ADGRA3: variants seen among roughly 807,000 people sequenced by gnomAD.
ADGRA3 encodes the protein adhesion G protein-coupled receptor A3.
In ADGRA3, 56 loss-of-function variants were observed where a neutral mutation model predicts 119.8. That is an observed-to-expected ratio of 0.47 (90% CI 0.38 to 0.58). ADGRA3 has a LOEUF of 0.58. ADGRA3 is among the 20% of genes least tolerant of loss of function. The pLI, the probability that ADGRA3 is intolerant of heterozygous loss-of-function variation, is 0.00. For missense variants in ADGRA3, 1,516 were observed against 1,649.0 expected, an observed-to-expected ratio of 0.92 and a Z score of 1.40; for synonymous variants, 607 against 623.8, an observed-to-expected ratio of 0.97 and a Z score of 0.40.
chr4:22,498,044 C>A (rs1465094345), intron 1 of ADGRA3, among the ~76,000 whole-genome samples: 2 of 150,992 alleles, frequency 1.3e-5, no homozygotes, highest in Non-Finnish European at 2.9e-5. Context: ...AGTTCAAGAC[C>A]AGCCAGGCCA....
intron 1 of ADGRA3, among the ~76,000 whole-genome samples, chr4:22,504,731 T>C (rs1719178613): frequency 2.0e-5 from 3 of 151,862 alleles, no homozygotes; most frequent in Admixed American, 1.3e-4. Flanking sequence ...CTGTACTCTT[T>C]CTTCTACCTT....
Position 22,413,175 on chromosome 4 carries a change from GCCA to G in ADGRA3, c.2232+4_2232+6del. ...GTGTTTATGCATAAAGTTAACAACT[GCCA>G]TACCATTAAAACTGCATAGTTACTA... On this transcript the variant is annotated splice_donor_5th_base_variant and intron_variant, in intron 14 of 18. Transcript: ENST00000334304. 1 of 1,594,836 alleles carries G rather than the reference GCCA, an allele frequency of 6.3e-7. No individual in the cohort carries two copies. The highest frequency in any genetic ancestry group is 8.6e-7 in the Non-Finnish European group (1 of 1,162,666).
intron 10 of ADGRA3, among the ~76,000 whole-genome samples, chr4:22,428,885 T>C (rs1716047232): frequency 6.6e-6 from 1 of 152,076 alleles, no homozygotes; most frequent in South Asian, 2.1e-4. Flanking sequence ...ATGGCAAAGG[T>C]TAAAGCTCTG....
chr4:22,443,235 T>C, intron 6 of ADGRA3: 2 of 516,606 alleles, frequency 3.9e-6, no homozygotes, highest in East Asian at 3.2e-5. Flanking sequence ...GCAATACCTT[T>C]GATTACAACA....
At chr4:22,467,306 G>C (rs949845693) in intron 2 of ADGRA3, among the ~76,000 whole-genome samples, 2 of 152,128 alleles carry the variant, frequency 1.3e-5, no homozygotes, top group African/African-American at 4.8e-5. Flanking sequence ...AGGAGGTACA[G>C]TTAATCATCA....
chr4:22,496,720 ACT>A (rs1718838656), intron 1 of ADGRA3, among the ~76,000 whole-genome samples: 1 of 152,158 alleles, frequency 6.6e-6, no homozygotes, highest in African/African-American at 2.4e-5. Flanking sequence ...GGTATTGGAA[ACT>A]CTACTTCAAA....
chr4:22,401,373 T>C (rs1714639234), intron 16 of ADGRA3, 58 bp downstream of exon 16: 6 of 1,458,552 alleles, frequency 4.1e-6, no homozygotes, highest in Non-Finnish European at 5.5e-6. Context: ...TTATAGTTAA[T>C]GAAATTATCT....
intron 1 of ADGRA3, among the ~76,000 whole-genome samples, chr4:22,509,966 C>G (rs898559347): frequency 1.4e-5 from 2 of 146,102 alleles, no homozygotes; most frequent in Non-Finnish European, 1.5e-5. Flanking sequence ...GCCGAGATCG[C>G]GCCACTGCAC....
intron 1 of ADGRA3, among the ~76,000 whole-genome samples, chr4:22,480,099 C>A (rs1421020464): frequency 4.6e-5 from 7 of 152,056 alleles, no homozygotes; most frequent in African/African-American, 1.7e-4. Context: ...ACCTATGTAA[C>A]AAAACTGCAC....
At chr4:22,448,221 G>A (rs1202878636) in intron 4 of ADGRA3, among the ~76,000 whole-genome samples, 1 of 152,152 alleles carries the variant, frequency 6.6e-6, no homozygotes, top group Non-Finnish European at 1.5e-5. Flanking sequence ...GAGCTCGGGG[G>A]AGGACGGCCT....
At chr4:22,513,870 A>AAAAAAAAAAAC (rs1560356106) in intron 1 of ADGRA3, among the ~76,000 whole-genome samples, 1 of 95,622 alleles carries the variant, frequency 1.0e-5, no homozygotes, top group African/African-American at 3.9e-5. Context: ...AAAAAAAAAA[A>AAAAAAAAAAAC]AAAACTGGAT....
chr4:22,515,124 A>G (rs542821473), intron 1 of ADGRA3, among the ~76,000 whole-genome samples: 1 of 152,346 alleles, frequency 6.6e-6, no homozygotes, highest in Admixed American at 6.5e-5. Flanking sequence ...CTTAATTTGC[A>G]AAGAAGCAGA....
chr4:22,463,413 T>TA (rs1717542651), intron 2 of ADGRA3, among the ~76,000 whole-genome samples: 1 of 152,204 alleles, frequency 6.6e-6, no homozygotes, highest in Non-Finnish European at 1.5e-5. Context: ...GGCTCTTTAA[T>TA]AACAATTGCT....
chr4:22,459,764 A>T (rs192824058), intron 3 of ADGRA3, among the ~76,000 whole-genome samples: 149 of 152,240 alleles, frequency 9.8e-4, no homozygotes, highest in African/African-American at 3.5e-3. Flanking sequence ...AAAACCATGG[A>T]TCTGGTCTCT....
intron 12 of ADGRA3, chr4:22,414,445 T>C (rs1332405277): frequency 2.1e-6 from 1 of 468,806 alleles, no homozygotes; most frequent in Non-Finnish European, 3.7e-6. Context: ...TTGAGGATTT[T>C]TAAATAACAA....
intron 2 of ADGRA3, among the ~76,000 whole-genome samples, chr4:22,464,427 C>T (rs1310129363): frequency 6.6e-6 from 1 of 152,162 alleles, no homozygotes; most frequent in Non-Finnish European, 1.5e-5. Flanking sequence ...CAAATCCCAT[C>T]CTTCTCTCTT....
At chr4:22,486,367 G>A (rs1048306708) in intron 1 of ADGRA3, among the ~76,000 whole-genome samples, 4 of 152,082 alleles carry the variant, frequency 2.6e-5, no homozygotes, top group African/African-American at 4.8e-5. Flanking sequence ...ATTCATGGAC[G>A]GCTTGGTTTC....
At chr4:22,392,909 G>T in intron 16 of ADGRA3, 1 of 468,210 alleles carries the variant, frequency 2.1e-6, no homozygotes, top group Non-Finnish European at 3.8e-6. Flanking sequence ...GCTCTAGGAA[G>T]CCCACAAACT....
At chr4:22,495,501 T>TA (rs1406589220) in intron 1 of ADGRA3, among the ~76,000 whole-genome samples, 1 of 152,070 alleles carries the variant, frequency 6.6e-6, no homozygotes, top group Non-Finnish European at 1.5e-5. Context: ...GGGACTACCA[T>TA]TTTGGAAATA....
Sources: gnomAD v4.1 joint callset for allele counts (sites outside exome capture counted in the v4.1 genomes callset) on GRCh38, gnomAD v4.1.1 for gene constraint, MANE v1.5 for transcripts, NCBI Gene and HGNC (gene_info 2026-07-23, HGNC 2026-07-21) for gene names.